The following F13A1 variants were observed in gnomAD, a reference collection of about 807,000 sequenced individuals.
F13A1 encodes FSF, A subunit.
In F13A1, 47 loss-of-function variants were observed where a neutral mutation model predicts 80.1. The ratio of observed to expected loss-of-function variants is 0.59; its 90% CI spans 0.46 to 0.75. F13A1 has a LOEUF of 0.75. Among genes scored for constraint, F13A1 ranks in the 30% least tolerant of loss-of-function variants. The pLI is 0.00. For synonymous variants in F13A1, 349 were observed against 344.9 expected, an observed-to-expected ratio of 1.01 and a Z score of -0.13; for missense variants, 817 against 930.4, an observed-to-expected ratio of 0.88 and a Z score of 1.59.
chr6:6,250,050 C>T lies in F13A1; in HGVS notation c.690+761G>A, dbSNP rs3024379. On this transcript the variant is annotated intron_variant, in intron 5 of 14. Transcript: ENST00000264870. The surrounding 1 kb of genome is among the most constrained non-coding windows in gnomAD (Gnocchi z 4.2). ...AAAGTACCCTGTGACCACCAGATTCCATGAAAACTCCCTGCTGGATGCCCA... is the reference window on the plus strand; with the variant it reads ...AAAGTACCCTGTGACCACCAGATTCTATGAAAACTCCCTGCTGGATGCCCA... Among the ~76,000 whole-genome samples the T allele has an allele frequency of 7.3e-3, 1,112 of 152,202 alleles. 12 individuals carry two copies. Among genetic ancestry groups the T allele is most frequent in the African/African-American group, 0.026 (1,060 of 41,518 alleles).
chr6:6,152,295 C>T (rs772773608), intron 13 of F13A1, among the ~76,000 whole-genome samples: 16 of 152,156 alleles, frequency 1.1e-4, no homozygotes, highest in Non-Finnish European at 1.9e-4. Flanking sequence ...AACTTTGCTT[C>T]TGGATAGGCA....
chr6:6,318,791 C>T lies in F13A1; in HGVS notation c.-18-109G>A, dbSNP rs560454535. 368 of 1,181,252 alleles carry T rather than the reference C, an allele frequency of 3.1e-4. 1 individual carries two copies. In the South Asian group the frequency reaches 4.5e-3, roughly 14 times the overall value. The allele number at this position is 1,181,252 out of a possible 1,614,324, so 73.2% of individuals were successfully genotyped here. On this transcript the variant is annotated intron_variant, in intron 1 of 14. Coordinates refer to ENST00000264870, the MANE Select transcript of F13A1 (RefSeq NM_000129.4). ...ACAGATATATCTGTGTGTGATAGCA[C>T]TTGAGCAACACATTTTGCCGTTTGC...
At chr6:6,215,936 AGAG>A (rs1273931838) in intron 8 of F13A1, among the ~76,000 whole-genome samples, 1 of 134,676 alleles carries the variant, frequency 7.4e-6, no homozygotes, top group Non-Finnish European at 1.6e-5. Flanking sequence ...ATTGCTAAAA[AGAG>A]AATAAAATAC....
chr6:6,147,685 T>C (rs895027356), intron 14 of F13A1, among the ~76,000 whole-genome samples: 2 of 152,164 alleles, frequency 1.3e-5, no homozygotes, highest in African/African-American at 4.8e-5. Context: ...CCACCTCAAA[T>C]AGAAGCTAAG....
chr6:6,189,458 T>G (rs1430574600), intron 10 of F13A1, among the ~76,000 whole-genome samples: 20 of 132,820 alleles, frequency 1.5e-4, no homozygotes, highest in African/African-American at 5.2e-4. Flanking sequence ...GTCTGTAAAG[T>G]ATTTTATTTC....
At chr6:6,239,776 C>T (rs1231624340) in intron 6 of F13A1, among the ~76,000 whole-genome samples, 1 of 152,104 alleles carries the variant, frequency 6.6e-6, no homozygotes, top group Non-Finnish European at 1.5e-5. Context: ...TGCCATACCA[C>T]TGCTGCATGG....
intron 2 of F13A1, among the ~76,000 whole-genome samples, chr6:6,314,811 A>G (rs964233161): frequency 7.9e-5 from 12 of 152,254 alleles, no homozygotes; most frequent in African/African-American, 2.7e-4. Context: ...TTTTTCCAGG[A>G]ACTGAATGAA....
At chr6:6,265,923 A>G (rs1322645817) in intron 4 of F13A1, among the ~76,000 whole-genome samples, 1 of 152,230 alleles carries the variant, frequency 6.6e-6, no homozygotes, top group Non-Finnish European at 1.5e-5. Context: ...TATACTGTCA[A>G]CATATATTAG....
intron 6 of F13A1, among the ~76,000 whole-genome samples, chr6:6,232,322 A>C (rs1757363961): frequency 6.6e-6 from 1 of 152,180 alleles, no homozygotes; most frequent in African/African-American, 2.4e-5. Context: ...AGACAAAACA[A>C]ACTTTAAAGC....
chr6:6,278,293 T>G, intron 3 of F13A1, among the ~76,000 whole-genome samples: 1 of 151,622 alleles, frequency 6.6e-6, no homozygotes. Flanking sequence ...TATGAAAAAA[T>G]GACTAGAGCA....
At chr6:6,177,886 G>C (rs1760910196) in intron 11 of F13A1, among the ~76,000 whole-genome samples, 1 of 152,166 alleles carries the variant, frequency 6.6e-6, no homozygotes, top group Admixed American at 6.5e-5. Flanking sequence ...GATGCAGGTG[G>C]GGGGCTTGGC....
chr6:6,180,829 T>C (rs1279991925), intron 11 of F13A1, among the ~76,000 whole-genome samples: 1 of 152,246 alleles, frequency 6.6e-6, no homozygotes, highest in African/African-American at 2.4e-5. Context: ...AAATTACTTT[T>C]GTAAATAAGA....
rs1410844672 is a variant in F13A1, at chr6:6,225,466, A to G, written c.799-606T>C. Among the ~76,000 whole-genome samples the G allele has an allele frequency of 2.6e-5, 4 of 152,072 alleles. No individual in the cohort carries two copies. In the South Asian group the frequency reaches 8.3e-4, roughly 32 times the overall value. On this transcript the variant is annotated intron_variant, in intron 6 of 14. Transcript: ENST00000264870. ...ATAGATTCCCATGGGATGCTTACAG[A>G]GGTTTTTTGTTTTTGTTTCTTTTTT...
chr6:6,191,109 C>T (rs62408007), intron 10 of F13A1, among the ~76,000 whole-genome samples: 21,871 of 151,376 alleles, frequency 0.14, 1,095 homozygotes, highest in Middle Eastern at 0.18. Context: ...CACCCACTGA[C>T]CTGTGCCCAC....
chr6:6,221,429 C>T (rs1038245866), intron 8 of F13A1, among the ~76,000 whole-genome samples: 2 of 152,098 alleles, frequency 1.3e-5, no homozygotes, highest in African/African-American at 2.4e-5. Context: ...TCTTTACATT[C>T]GAAAAGAAAA....
At chr6:6,226,949 G>A (rs2113067038) in intron 6 of F13A1, among the ~76,000 whole-genome samples, 1 of 147,928 alleles carries the variant, frequency 6.8e-6, no homozygotes, top group East Asian at 2.1e-4. Context: ...CTAATAGAGG[G>A]AGATGACAGG....
At chr6:6,206,404 T>TA (rs1291396210) in intron 8 of F13A1, 1 of 461,476 alleles carries the variant, frequency 2.2e-6, no homozygotes, top group Non-Finnish European at 4.4e-6. Flanking sequence ...TCCATTGCCA[T>TA]ATGGAGTGTT....
chr6:6,275,057 T>A (rs1176469913), intron 3 of F13A1, among the ~76,000 whole-genome samples: 1 of 152,102 alleles, frequency 6.6e-6, no homozygotes, highest in Non-Finnish European at 1.5e-5. Flanking sequence ...TTAAGTGATC[T>A]GGTGAGATTA....
At chr6:6,247,122 T>G (rs78198698) in intron 6 of F13A1, among the ~76,000 whole-genome samples, 3 of 152,172 alleles carry the variant, frequency 2.0e-5, no homozygotes, top group Non-Finnish European at 4.4e-5. Flanking sequence ...TTGGTTTCTA[T>G]TTTTACTTTT....
Sources: allele counts gnomAD v4.1 joint callset (sites outside exome capture counted in the v4.1 genomes callset), GRCh38; gene constraint gnomAD v4.1.1; non-coding constraint Gnocchi (gnomAD v3.1); transcripts MANE v1.5; gene names NCBI Gene and HGNC (gene_info 2026-07-23, HGNC 2026-07-21).